KDM4C: variants seen among roughly 807,000 people sequenced by gnomAD.
The protein encoded by KDM4C is lysine demethylase 4C.
KDM4C carries 81 observed loss-of-function variants against 129.3 expected under a neutral mutation model. The ratio of observed to expected loss-of-function variants is 0.63; its 90% confidence interval spans 0.52 to 0.75. The LOEUF is 0.75. Among genes scored for constraint, KDM4C ranks in the 30% least tolerant of loss-of-function variants. The pLI, the probability that KDM4C is intolerant of heterozygous loss-of-function variation, is 0.00. For missense variants in KDM4C, 1,457 were observed against 1,304.0 expected (o/e 1.12, Z -1.81); for synonymous variants, 573 against 456.1 (o/e 1.26, Z -3.26).
intron 5 of KDM4C, among the ~76,000 whole-genome samples, chr9:6,872,493 T>A (rs972175564): frequency 1.3e-5 from 2 of 152,218 alleles, no homozygotes; most frequent in Non-Finnish European, 2.9e-5. Flanking sequence ...ACTATTATTG[T>A]GTGGAAGTCT....
intron 12 of KDM4C, among the ~76,000 whole-genome samples, chr9:7,004,174 C>G (rs1259309254): frequency 6.6e-6 from 1 of 152,170 alleles, no homozygotes; most frequent in Non-Finnish European, 1.5e-5. Context: ...CTGGCAGCAG[C>G]CCTTTCACAA....
intron 8 of KDM4C, among the ~76,000 whole-genome samples, chr9:6,980,558 A>C (rs371125450): frequency 5.9e-5 from 9 of 152,142 alleles, no homozygotes; most frequent in Admixed American, 5.9e-4. Flanking sequence ...TTTGTTGACA[A>C]CCCAGGTTTT....
chr9:7,049,241 T>G (rs1338794274), intron 17 of KDM4C, 41 bp downstream of exon 17: 1 of 1,080,488 alleles, frequency 9.3e-7, no homozygotes, highest in Non-Finnish European at 1.4e-6. Flanking sequence ...AAATTAGTGT[T>G]AATTTCAAGT....
chr9:7,146,242 A>G (rs1057249737), intron 19 of KDM4C, among the ~76,000 whole-genome samples: 5 of 152,248 alleles, frequency 3.3e-5, no homozygotes, highest in African/African-American at 7.2e-5. Flanking sequence ...GTTACTGATT[A>G]TCTTTGGAGA....
intron 17 of KDM4C, among the ~76,000 whole-genome samples, chr9:7,098,842 C>T (rs1050285440): frequency 6.6e-6 from 1 of 152,216 alleles, no homozygotes; most frequent in African/African-American, 2.4e-5. Context: ...AGTATTGACA[C>T]ATGAGTGATT....
intron 3 of KDM4C, among the ~76,000 whole-genome samples, chr9:6,813,703 A>G (rs960998196): frequency 2.6e-5 from 4 of 152,234 alleles, no homozygotes; most frequent in African/African-American, 9.6e-5. Flanking sequence ...CTAATAATAC[A>G]GAGAAGTAAG....
chr9:6,783,249 G>A (rs1223565438), intron 1 of KDM4C, among the ~76,000 whole-genome samples: 2 of 152,136 alleles, frequency 1.3e-5, no homozygotes, highest in East Asian at 3.8e-4. Flanking sequence ...TAAGCTCTTT[G>A]AGGATTAGCT....
At chr9:6,800,040 T>G (rs1432984803) in intron 2 of KDM4C, among the ~76,000 whole-genome samples, 1 of 150,484 alleles carries the variant, frequency 6.6e-6, no homozygotes, top group African/African-American at 2.4e-5. Context: ...CCTGGCAACA[T>G]AGCGAGACCA....
At chr9:7,027,401 C>G (rs1825983519) in intron 15 of KDM4C, among the ~76,000 whole-genome samples, 1 of 152,188 alleles carries the variant, frequency 6.6e-6, no homozygotes. Flanking sequence ...TAGGCAGGGA[C>G]TCTTGTTCTC....
intron 3 of KDM4C, among the ~76,000 whole-genome samples, chr9:6,810,976 T>C (rs1831038182): frequency 6.6e-6 from 1 of 152,212 alleles, no homozygotes; most frequent in Non-Finnish European, 1.5e-5. Flanking sequence ...TTCATATTTT[T>C]TGTATTTCTT....
chr9:6,840,586 G>A (rs1305685870), intron 4 of KDM4C, among the ~76,000 whole-genome samples: 1 of 151,822 alleles, frequency 6.6e-6, no homozygotes, highest in Non-Finnish European at 1.5e-5. Flanking sequence ...TAGTAGAGGC[G>A]GGGTTTCACC....
At chr9:6,925,231 A>G in intron 8 of KDM4C, 2 of 985,398 alleles carry the variant, frequency 2.0e-6, no homozygotes, top group Non-Finnish European at 2.4e-6. Context: ...GCTGTGGCAG[A>G]GCTTCAGACG....
intron 1 of KDM4C, among the ~76,000 whole-genome samples, chr9:6,737,741 C>T (rs796880661): frequency 1.8e-4 from 26 of 148,494 alleles, no homozygotes; most frequent in African/African-American, 6.5e-4. Context: ...ACTTGGACAA[C>T]ATGAAAAAAT....
At chr9:7,074,617 T>C (rs1330053456) in intron 17 of KDM4C, among the ~76,000 whole-genome samples, 1 of 152,218 alleles carries the variant, frequency 6.6e-6, no homozygotes, top group Non-Finnish European at 1.5e-5. Flanking sequence ...CTTTATATTA[T>C]AAAGGAATGC....
chr9:7,060,860 T>C (rs1467307172), intron 17 of KDM4C, among the ~76,000 whole-genome samples: 4 of 152,194 alleles, frequency 2.6e-5, no homozygotes, highest in African/African-American at 9.6e-5. Flanking sequence ...TGTTTAGAGA[T>C]GGTTTACATT....
intron 4 of KDM4C, among the ~76,000 whole-genome samples, chr9:6,841,456 G>T (rs894160256): frequency 6.6e-6 from 1 of 152,096 alleles, no homozygotes; most frequent in Admixed American, 6.5e-5. Context: ...GGGGAACAAG[G>T]TTCATATAGA....
At chr9:6,844,070 C>T (rs115936246) in intron 4 of KDM4C, among the ~76,000 whole-genome samples, 18 of 152,244 alleles carry the variant, frequency 1.2e-4, no homozygotes, top group African/African-American at 4.3e-4. Context: ...CTCCTGGGCT[C>T]AAGTGTTCAT....
intron 12 of KDM4C, among the ~76,000 whole-genome samples, chr9:6,991,556 A>G (rs886514034): frequency 1.3e-5 from 2 of 152,178 alleles, no homozygotes; most frequent in African/African-American, 4.8e-5. Context: ...TCCTTCTCTG[A>G]AGTATTCTCC....
At chr9:6,995,271 C>T (rs1819488131) in intron 12 of KDM4C, among the ~76,000 whole-genome samples, 1 of 151,664 alleles carries the variant, frequency 6.6e-6, no homozygotes, top group African/African-American at 2.4e-5. Flanking sequence ...GTTTGTATTT[C>T]TGTTGCTTTA....
Sources: allele counts gnomAD v4.1 joint callset (sites outside exome capture counted in the v4.1 genomes callset), GRCh38; gene constraint gnomAD v4.1.1; transcripts MANE v1.5; gene names NCBI Gene and HGNC (gene_info 2026-07-23, HGNC 2026-07-21).